Variants in KCNMB4 observed in about 807,000 individuals in gnomAD.
KCNMB4 encodes calcium-activated potassium channel subunit beta-4.
A neutral mutation model predicts 20.7 loss-of-function variants in KCNMB4; 3 were observed. The observed-to-expected ratio is 0.14, with a 90% CI of 0.07 to 0.37. The LOEUF (loss-of-function observed/expected upper bound fraction) is 0.37. Among genes scored for constraint, KCNMB4 ranks in the 10% least tolerant of loss-of-function variants. The pLI is 1.00. For missense variants in KCNMB4, 168 were observed against 265.9 expected (o/e 0.63, Z 2.56); for synonymous variants, 110 against 113.4 (o/e 0.97, Z 0.19).
chr12:70,384,367 C>T lies in KCNMB4; in HGVS notation c.337-15842C>T, dbSNP rs188116881. Among the ~76,000 whole-genome samples, 391 of 152,200 alleles carry T rather than the reference C, an allele frequency of 2.6e-3. 3 individuals carry two copies. Among genetic ancestry groups the T allele is most frequent in the African/African-American group, 9.1e-3 (377 of 41,504 alleles). On this transcript the variant is annotated intron_variant, in intron 1 of 2. Coordinates refer to ENST00000258111, the MANE Select transcript of KCNMB4 (RefSeq NM_014505.6). Reference sequence around the variant, plus strand: ...TAAATGCTCTGTGAAACACAAGAGACTAAATATTACAATGGAGAGGATCGA... The same window carrying T: ...TAAATGCTCTGTGAAACACAAGAGATTAAATATTACAATGGAGAGGATCGA...
chr12:70,432,035 T>TC lies in KCNMB4; in HGVS notation c.*1382_*1383insC, dbSNP rs200063058. On this transcript the variant is annotated 3_prime_UTR_variant, in exon 3 of 3. Coordinates refer to ENST00000258111, the MANE Select transcript of KCNMB4 (RefSeq NM_014505.6). ...ATACCAATGTTTTCTTTTTTCTTTT[T>TC]TTTTTTTTTTTTTGAGATGGTGTCT... The TC allele has an allele frequency of 0.12, 17,803 of 148,502 alleles. 1,123 individuals are homozygous for TC. Among genetic ancestry groups the TC allele is most frequent in the African/African-American group, 0.14 (5,619 of 40,430 alleles). The allele number at this position is 148,502 out of a possible 1,614,324, so 9.2% of individuals were successfully genotyped here.
intron 2 of KCNMB4, among the ~76,000 whole-genome samples, chr12:70,422,054 A>T (rs1869080942): frequency 6.6e-6 from 1 of 152,166 alleles, no homozygotes; most frequent in Admixed American, 6.5e-5. Flanking sequence ...TTATTGAATC[A>T]ATAATTCATC....
At chr12:70,400,184 T>G in intron 1 of KCNMB4, 25 bp from the exon 2 acceptor site, 7 of 1,533,738 alleles carry the variant, frequency 4.6e-6, no homozygotes, top group Non-Finnish European at 6.2e-6. Flanking sequence ...ATAATAGGTT[T>G]ACTTTCTGTA....
intron 2 of KCNMB4, among the ~76,000 whole-genome samples, chr12:70,402,240 C>A (rs1432419956): frequency 1.3e-5 from 2 of 152,030 alleles, no homozygotes; most frequent in Non-Finnish European, 2.9e-5. Flanking sequence ...TTCCTTGATC[C>A]CCAATTTTGA....
chr12:70,393,232 T>C (rs980309186), intron 1 of KCNMB4, among the ~76,000 whole-genome samples: 14 of 152,280 alleles, frequency 9.2e-5, no homozygotes, highest in African/African-American at 3.4e-4. Context: ...AGAAAGAGTC[T>C]CACTCTGTCG....
chr12:70,387,398 A>ATTT (rs200125786), intron 1 of KCNMB4, among the ~76,000 whole-genome samples: 2 of 123,990 alleles, frequency 1.6e-5, no homozygotes, highest in African/African-American at 3.1e-5. Context: ...AAATTTTTTA[A>ATTT]TTTTTTTTTT....
intron 2 of KCNMB4, among the ~76,000 whole-genome samples, chr12:70,424,141 A>T (rs1869144169): frequency 1.3e-5 from 2 of 152,148 alleles, no homozygotes; most frequent in South Asian, 2.1e-4. Context: ...GTTTTTCTTT[A>T]TGAGTATTAG....
At chr12:70,429,261 T>A (rs1474562634) in intron 2 of KCNMB4, among the ~76,000 whole-genome samples, 1 of 152,232 alleles carries the variant, frequency 6.6e-6, no homozygotes, top group Non-Finnish European at 1.5e-5. Flanking sequence ...CTCATTATTC[T>A]GCATTATTTT....
At chr12:70,376,871 C>CAA (rs57274414) in intron 1 of KCNMB4, among the ~76,000 whole-genome samples, 1 of 126,912 alleles carries the variant, frequency 7.9e-6, no homozygotes, top group African/African-American at 2.8e-5. Flanking sequence ...GACCTTGTCT[C>CAA]AAAAAAAAAA....
intron 2 of KCNMB4, among the ~76,000 whole-genome samples, chr12:70,407,888 G>GA (rs1868655359): frequency 6.6e-6 from 1 of 152,068 alleles, no homozygotes; most frequent in Non-Finnish European, 1.5e-5. Flanking sequence ...GGCTTACTAT[G>GA]AAAAAACGAA....
intron 2 of KCNMB4, among the ~76,000 whole-genome samples, chr12:70,419,022 T>A (rs1317031534): frequency 3.3e-5 from 5 of 152,192 alleles, no homozygotes; most frequent in Non-Finnish European, 7.3e-5. Flanking sequence ...ATATGGGATG[T>A]CCTGATATAA....
chr12:70,371,998 G>A (rs1172439908), intron 1 of KCNMB4, among the ~76,000 whole-genome samples: 2 of 152,168 alleles, frequency 1.3e-5, no homozygotes, highest in East Asian at 1.9e-4. Flanking sequence ...AGGGAAGGCC[G>A]CTCTGATGAA....
At chr12:70,402,349 C>T (rs1868474701) in intron 2 of KCNMB4, among the ~76,000 whole-genome samples, 1 of 151,890 alleles carries the variant, frequency 6.6e-6, no homozygotes, top group Non-Finnish European at 1.5e-5. Context: ...TTTTATACAT[C>T]AAGAAATGCA....
At chr12:70,386,130 G>A (rs919837362) in intron 1 of KCNMB4, among the ~76,000 whole-genome samples, 2 of 151,974 alleles carry the variant, frequency 1.3e-5, no homozygotes, top group African/African-American at 2.4e-5. Flanking sequence ...CAGTGATGAC[G>A]GTATCAGAGG....
At chr12:70,428,394 G>C (rs78123263) in intron 2 of KCNMB4, among the ~76,000 whole-genome samples, 2,451 of 152,226 alleles carry the variant, frequency 0.016, 61 homozygotes, top group African/African-American at 0.056. Context: ...ACTCATTTTT[G>C]TATCAGTAGA....
chr12:70,367,858 GAAGAAA>G (rs563284325), intron 1 of KCNMB4, among the ~76,000 whole-genome samples: 1 of 146,348 alleles, frequency 6.8e-6, no homozygotes, highest in Non-Finnish European at 1.5e-5. Context: ...AAGCAAGCAA[GAAGAAA>G]AAGAAAAAGA....
At chr12:70,398,862 G>A (rs1868384938) in intron 1 of KCNMB4, among the ~76,000 whole-genome samples, 1 of 152,200 alleles carries the variant, frequency 6.6e-6, no homozygotes, top group Admixed American at 6.5e-5. Context: ...GTTTCCAGCT[G>A]TGATATCACG....
chr12:70,401,784 C>T (rs1868459024), intron 2 of KCNMB4, among the ~76,000 whole-genome samples: 1 of 152,072 alleles, frequency 6.6e-6, no homozygotes, highest in Non-Finnish European at 1.5e-5. Flanking sequence ...CCTCAGTATC[C>T]CCACCACCTG....
At chr12:70,371,957 G>T (rs113272251) in intron 1 of KCNMB4, among the ~76,000 whole-genome samples, 1 of 152,188 alleles carries the variant, frequency 6.6e-6, no homozygotes, top group African/African-American at 2.4e-5. Flanking sequence ...GACAAAATAC[G>T]TGAAGGGCTC....
Sources: gnomAD v4.1 joint callset for allele counts (sites outside exome capture counted in the v4.1 genomes callset) on GRCh38, gnomAD v4.1.1 for gene constraint, MANE v1.5 for transcripts, NCBI Gene and HGNC (gene_info 2026-07-23, HGNC 2026-07-21) for gene names.